CFHR4: variants seen among roughly 807,000 people sequenced by gnomAD.
The protein encoded by CFHR4 is complement factor H-related protein 4.
Under a neutral mutation model 69.3 loss-of-function variants are expected in CFHR4, and 64 were observed. The ratio of observed to expected loss-of-function variants is 0.92; its 90% CI spans 0.76 to 1.14. The LOEUF (loss-of-function observed/expected upper bound fraction) is 1.14. Among genes scored for constraint, CFHR4 ranks in the 50% most tolerant of loss-of-function variants. CFHR4 has a pLI of 0.00. For synonymous variants in CFHR4, 244 were observed against 237.0 expected (o/e 1.03, Z -0.27); for missense variants, 636 against 684.9 (o/e 0.93, Z 0.80).
At chr1:196,888,429 T>G (rs572965056) in intron 1 of CFHR4, among the ~76,000 whole-genome samples, 2 of 151,450 alleles carry the variant, frequency 1.3e-5, no homozygotes, top group East Asian at 3.9e-4. Context: ...GTTTTACAAA[T>G]TCTACAGTGT....
chr1:196,899,563 C>T (rs778729632), intron 1 of CFHR4, among the ~76,000 whole-genome samples: 2 of 151,508 alleles, frequency 1.3e-5, no homozygotes, highest in Non-Finnish European at 2.9e-5. Flanking sequence ...CCAAGGTGTT[C>T]GGATTATCGT....
chr1:196,902,770 T>C (rs1459074631), intron 2 of CFHR4, among the ~76,000 whole-genome samples, 155 bp downstream of exon 2: 2 of 151,514 alleles, frequency 1.3e-5, no homozygotes, highest in African/African-American at 2.4e-5. Flanking sequence ...TGTTATGAGA[T>C]CTTCGTGAAA....
chr1:196,914,407 T>C, intron 7 of CFHR4, 88 bp from the exon 8 acceptor site: 1 of 1,387,058 alleles, frequency 7.2e-7, no homozygotes, highest in Non-Finnish European at 9.7e-7. Flanking sequence ...CACTGATTGG[T>C]AAATTTTATC....
At chr1:196,888,290 T>A in intron 1 of CFHR4, 82 bp downstream of exon 1, 1 of 1,397,928 alleles carries the variant, frequency 7.2e-7, no homozygotes, top group South Asian at 1.2e-5. Context: ...GTCTATAATT[T>A]TTTTATAAAT....
chr1:196,918,295 AG>A lies in CFHR4; in HGVS notation c.1630del (p.Asp544IlefsTer28). 2 of 1,609,792 alleles carry A rather than the reference AG, an allele frequency of 1.2e-6. No individual in the cohort carries two copies. The highest frequency in any genetic ancestry group is 1.7e-6 in the Non-Finnish European group (2 of 1,177,418). Reference sequence around the variant, plus strand: ...GTGACATAAAATATTATGCAAAAACAGGGGATACCATTGAATTTATGTGTAA... The same window carrying A: ...GTGACATAAAATATTATGCAAAAACAGGGATACCATTGAATTTATGTGTAA... ...KSDIKYYAKT[G>X]DTIEFMCKLG... On this transcript the variant is annotated frameshift_variant, in exon 10 of 10. Coordinates refer to ENST00000608469, the MANE Select transcript of CFHR4 (RefSeq NM_001201550.3). LOFTEE classifies it low-confidence loss of function (END_TRUNC).
In CFHR4 at chr1:196,910,385, T is replaced by G; in HGVS notation, c.904T>G (p.Tyr302Asp). ...PVATGQSYSY[Y>D]CDQNFVTPSG... ...AGCTACAGGACAATCTTACTCCTAT[T>G]ACTGTGACCAAAATTTTGTGACTCC... The change falls in exon 6 of 10, where the codon TAC becomes GAC. Residue 302 changes from tyrosine to aspartate, a missense_variant. By Grantham distance (160) the Tyr-to-Asp change is radical. Transcript: ENST00000608469. 6.2e-7 allele frequency: 1 copy of G among 1,612,346 alleles called. No homozygotes were observed. Among genetic ancestry groups the G allele is most frequent in the Non-Finnish European group, 8.5e-7 (1 of 1,179,200 alleles).
chr1:196,907,254 T>C, intron 4 of CFHR4, 62 bp from the exon 5 acceptor site: 1 of 1,426,550 alleles, frequency 7.0e-7, no homozygotes, highest in Non-Finnish European at 9.8e-7. Context: ...ATAAAAAGCT[T>C]TATTCAGAAA....
Position 196,902,607 on chromosome 1 carries a change from C to A in CFHR4, c.248C>A (p.Pro83Gln). The part of the protein sequence containing the change: ...CTQDGWSPTV[P>Q]CLRTCSKSDV... ...CAAGATGGTTGGTCACCAACGGTCC[C>A]ATGCCTCAGTAAGTAAACCTCTTTA... Residue 83 changes from proline (P) to glutamine (Q), a missense_variant, in exon 2 of 10, where the codon CCA (proline) becomes CAA (glutamine). By Grantham distance (76) the Pro-to-Gln change is moderately conservative (BLOSUM62 -1). Transcript: ENST00000608469. 6.2e-7 allele frequency: 1 copy of A among 1,608,174 alleles called. No individual in the cohort carries two copies.
At chr1:196,898,029 G>C (rs1370595788) in intron 1 of CFHR4, among the ~76,000 whole-genome samples, 2 of 151,306 alleles carry the variant, frequency 1.3e-5, no homozygotes, top group Non-Finnish European at 2.9e-5. Flanking sequence ...TCCTTACTCA[G>C]GCCTTCCTTA....
intron 2 of CFHR4, among the ~76,000 whole-genome samples, chr1:196,903,232 A>C (rs1179493036): frequency 6.6e-6 from 1 of 151,402 alleles, no homozygotes; most frequent in African/African-American, 2.4e-5. Flanking sequence ...TCTGAAGCCG[A>C]ATTTATGTCT....
chr1:196,913,939 T>C (rs1180505228), intron 7 of CFHR4, among the ~76,000 whole-genome samples: 1 of 151,508 alleles, frequency 6.6e-6, no homozygotes, highest in Non-Finnish European at 1.5e-5. Flanking sequence ...ATGCTTATCA[T>C]GGGCTCTGTG....
At chr1:196,909,216 A>T (rs1368637306) in intron 5 of CFHR4, among the ~76,000 whole-genome samples, 1 of 151,530 alleles carries the variant, frequency 6.6e-6, no homozygotes, top group Non-Finnish European at 1.5e-5. Flanking sequence ...CATAATCAAG[A>T]ACAGGAAAGG....
chr1:196,914,872 G>T (rs1174094329), intron 8 of CFHR4, 84 bp from the exon 9 acceptor site: 198 of 1,536,682 alleles, frequency 1.3e-4, no homozygotes, highest in Middle Eastern at 1.2e-3. Context: ...ATAAGATACA[G>T]TTAAGAGTAT....
chr1:196,888,255 C>A (rs1460772648), intron 1 of CFHR4, 47 bp downstream of exon 1: 21 of 1,574,874 alleles, frequency 1.3e-5, no homozygotes, highest in Non-Finnish European at 1.7e-5. Flanking sequence ...TTAAATGTAA[C>A]TTCGTGTAAT....
intron 1 of CFHR4, among the ~76,000 whole-genome samples, chr1:196,900,509 T>C (rs1657548241): frequency 6.6e-6 from 1 of 151,410 alleles, no homozygotes. Flanking sequence ...GTTATTTACA[T>C]TCTATGAAAC....
intron 2 of CFHR4, among the ~76,000 whole-genome samples, chr1:196,904,748 G>A (rs1657815717): frequency 6.6e-6 from 1 of 151,510 alleles, no homozygotes. Context: ...AATGGCATTT[G>A]ACTAAATGAA....
intron 1 of CFHR4, among the ~76,000 whole-genome samples, chr1:196,899,109 T>G (rs1657458555): frequency 6.6e-6 from 1 of 151,678 alleles, no homozygotes; most frequent in East Asian, 1.9e-4. Flanking sequence ...ATTTGTGGAA[T>G]TTCCACAATC....
At position 196,910,463 on chromosome 1, in the gene CFHR4, A is replaced by G; in HGVS notation, c.982A>G (p.Thr328Ala). 1 of 1,612,290 alleles carries G rather than the reference A, an allele frequency of 6.2e-7. No individual in the cohort carries two copies. The highest frequency in any genetic ancestry group is 8.5e-7 in the Non-Finnish European group (1 of 1,179,192). Residue 328 changes from threonine (T) to alanine (A), a missense_variant, in exon 6 of 10, where the codon ACA becomes GCA. This residue lies in a region of CFHR4 where 529 missense variants were observed against 533.2 expected (regional missense o/e 0.99). Transcript: ENST00000608469. ...CTGCACACAAGATGGGTGGTTGCCA[A>G]CAGTCCCATGCCTCAGTAAGCAAAC... is the stretch of plus-strand genomic sequence containing the variant. ...IHCTQDGWLP[T>A]VPCLRTCSKS...
intron 1 of CFHR4, 75 bp from the exon 2 acceptor site, chr1:196,902,343 T>C (rs1212418697): frequency 9.6e-7 from 1 of 1,041,136 alleles, no homozygotes; most frequent in Non-Finnish European, 1.4e-6. Flanking sequence ...TATAATTTAT[T>C]GATCAAAAAT....
Sources: gnomAD v4.1 joint callset for allele counts (sites outside exome capture counted in the v4.1 genomes callset) on GRCh38, gnomAD v4.1.1 for gene constraint, gnomAD v4.1.1 regional missense constraint, MANE v1.5 for transcripts, NCBI Gene and HGNC (gene_info 2026-07-23, HGNC 2026-07-21) for gene names.